ASCC3: variants seen among roughly 807,000 people sequenced by gnomAD.
ASCC3 encodes ASC-1 complex subunit P200.
A neutral mutation model predicts 256.3 loss-of-function variants in ASCC3; 158 were observed. The observed-to-expected ratio is 0.62, with a 90% CI of 0.54 to 0.70. The LOEUF (loss-of-function observed/expected upper bound fraction) is 0.70, where lower values mean the gene tolerates loss of function less well. ASCC3 is among the 30% of genes least tolerant of loss of function. The pLI is 0.00. For missense variants in ASCC3, 2,259 were observed against 2,626.0 expected (o/e 0.86, Z 3.05); for synonymous variants, 948 against 883.4 (o/e 1.07, Z -1.30).
chr6:100,718,440 G>A (rs1394439183), intron 11 of ASCC3, among the ~76,000 whole-genome samples, 189 bp from the exon 12 acceptor site: 1 of 151,890 alleles, frequency 6.6e-6, no homozygotes, highest in East Asian at 1.9e-4. Flanking sequence ...ATACATAGTA[G>A]AATTCCATAC....
chr6:100,605,549 T>C lies in ASCC3; in HGVS notation c.5177+19A>G. 1 of 1,445,336 alleles carries C rather than the reference T, an allele frequency of 6.9e-7. No homozygotes were observed. The highest frequency in any genetic ancestry group is 9.7e-7 in the Non-Finnish European group (1 of 1,030,378). The allele number at this position is 1,445,336 out of a possible 1,614,324, so 89.5% of individuals were successfully genotyped here. A position where few individuals can be genotyped will look rare whatever the true frequency, so the allele number is the denominator to read the frequency against. On this transcript the variant is annotated intron_variant, in intron 33 of 41. Coordinates refer to ENST00000369162, the MANE Select transcript of ASCC3 (RefSeq NM_006828.4). Reference sequence around the variant, plus strand: ...TGTGATTAAATAAATCCATTTAAACTAATTTAAATAAGATTTACCTTGATT... The same window carrying C: ...TGTGATTAAATAAATCCATTTAAACCAATTTAAATAAGATTTACCTTGATT...
chr6:100,567,823 G>A (rs1442706475), intron 36 of ASCC3, among the ~76,000 whole-genome samples: 2 of 152,082 alleles, frequency 1.3e-5, no homozygotes, highest in African/African-American at 4.8e-5. Context: ...TTGATTCAAT[G>A]TCTTTGCTAC....
chr6:100,706,481 A>G (rs975287467), intron 13 of ASCC3, among the ~76,000 whole-genome samples: 1 of 151,760 alleles, frequency 6.6e-6, no homozygotes. Context: ...CTGAAAACAA[A>G]CCTCTAAATG....
chr6:100,859,142 C>A lies in ASCC3; in HGVS notation c.241+4922G>T, dbSNP rs778296794. On this transcript the variant is annotated intron_variant, in intron 3 of 41. Transcript: ENST00000369162. ...TCCTCTGAATCTGTCAGAAGCTCTG[C>A]TCATCTTCTCATCCTCCTCTTTTCC... The A allele has an allele frequency of 2.1e-5, 16 of 779,940 alleles. No homozygotes were observed. In the Admixed American group the frequency reaches 2.7e-4, roughly 13 times the overall value. 48.3% of individuals were successfully genotyped at this position (779,940 alleles called of 1,614,324 possible).
intron 3 of ASCC3, chr6:100,859,282 C>A (rs921803524): frequency 1.3e-6 from 1 of 776,576 alleles, no homozygotes; most frequent in African/African-American, 1.7e-5. Context: ...CAAAAATCTT[C>A]ACTGCTTTGA....
intron 8 of ASCC3, among the ~76,000 whole-genome samples, chr6:100,770,195 C>T (rs1781852563): frequency 6.6e-6 from 1 of 151,886 alleles, no homozygotes; most frequent in African/African-American, 2.4e-5. Context: ...TGACATAATA[C>T]ATCACAGAAA....
At chr6:100,552,591 C>T (rs985994700) in intron 36 of ASCC3, among the ~76,000 whole-genome samples, 2 of 151,852 alleles carry the variant, frequency 1.3e-5, no homozygotes, top group South Asian at 4.1e-4. Flanking sequence ...TCTTTTAAAT[C>T]CACATTAATT....
intron 36 of ASCC3, among the ~76,000 whole-genome samples, chr6:100,581,496 T>G (rs894787435): frequency 1.1e-3 from 172 of 152,282 alleles, no homozygotes; most frequent in African/African-American, 3.8e-3. Context: ...TTTTGTCAGA[T>G]GAGTAGGTTG....
chr6:100,660,604 T>A (rs1776145087), intron 16 of ASCC3, among the ~76,000 whole-genome samples: 1 of 151,676 alleles, frequency 6.6e-6, no homozygotes, highest in African/African-American at 2.4e-5. Flanking sequence ...CTAACCGTTA[T>A]CTTCTAAAAC....
chr6:100,736,626 G>GC (rs1187159649), intron 10 of ASCC3, among the ~76,000 whole-genome samples: 1 of 152,160 alleles, frequency 6.6e-6, no homozygotes, highest in Non-Finnish European at 1.5e-5. Flanking sequence ...GTGTATAAAA[G>GC]CAAAGAAGCA....
In ASCC3 at chr6:100,848,551, G is replaced by A; in HGVS notation, c.398C>T (p.Ala133Val). Residue 133 changes from alanine to valine, a missense_variant, in exon 4 of 42, where the codon GCT (alanine) becomes GTT (valine). By Grantham distance (64) the Ala-to-Val change is moderately conservative (BLOSUM62 0). Transcript: ENST00000369162. ...PSSSATAACNATNRIISHFSQ... is the reference protein window; with the variant it reads ...PSSSATAACNVTNRIISHFSQ... ...AAAATGAGAAATAATTCGATTAGTAGCATTACAAGCTGCAGTGGCAGATGA... is the reference window on the plus strand; with the variant it reads ...AAAATGAGAAATAATTCGATTAGTAACATTACAAGCTGCAGTGGCAGATGA... 1 of 1,614,098 alleles carries A rather than the reference G, an allele frequency of 6.2e-7. No homozygotes were observed. Among genetic ancestry groups the A allele is most frequent in the Non-Finnish European group, 8.5e-7 (1 of 1,180,004 alleles).
chr6:100,630,806 A>G (rs1432408955), intron 26 of ASCC3, among the ~76,000 whole-genome samples: 1 of 152,094 alleles, frequency 6.6e-6, no homozygotes, highest in Non-Finnish European at 1.5e-5. Flanking sequence ...TACGAAAAAA[A>G]TAGAGAGGCA....
At chr6:100,586,580 G>C (rs988266652) in intron 36 of ASCC3, among the ~76,000 whole-genome samples, 6 of 152,080 alleles carry the variant, frequency 3.9e-5, no homozygotes, top group African/African-American at 1.4e-4. Flanking sequence ...CGCACGGTGT[G>C]CTGCACCCAC....
chr6:100,864,073 T>C lies in ASCC3; in HGVS notation c.232A>G (p.Lys78Glu). 6.3e-7 allele frequency: 1 copy of C among 1,577,284 alleles called. No individual in the cohort carries two copies. Among genetic ancestry groups the C allele is most frequent in the Non-Finnish European group, 8.6e-7 (1 of 1,158,212 alleles). ...AAAAAGAAAACTATACCTATCTGCT[T>C]TGCAGCATGTAATATATCTTTTAAG... is the stretch of plus-strand genomic sequence containing the variant. The part of the protein sequence containing the change: ...EDLKDILHAA[K>E]QIVGTDNGRE... The change falls in exon 3 of 42, where the codon AAG (lysine) becomes GAG (glutamate). Residue 78 changes from lysine to glutamate, a missense_variant. Coordinates refer to ENST00000369162, the MANE Select transcript of ASCC3 (RefSeq NM_006828.4).
At chr6:100,584,373 G>A (rs1466959421) in intron 36 of ASCC3, among the ~76,000 whole-genome samples, 1 of 151,548 alleles carries the variant, frequency 6.6e-6, no homozygotes, top group Non-Finnish European at 1.5e-5. Context: ...ATCTTTGTTG[G>A]TTTAAAGTCT....
chr6:100,514,988 G>A (rs1465138229), intron 39 of ASCC3, among the ~76,000 whole-genome samples: 1 of 152,170 alleles, frequency 6.6e-6, no homozygotes, highest in Non-Finnish European at 1.5e-5. Flanking sequence ...GCACTTTTGA[G>A]CCAAATAACC....
At chr6:100,801,665 A>T (rs540514601) in intron 5 of ASCC3, among the ~76,000 whole-genome samples, 1 of 151,956 alleles carries the variant, frequency 6.6e-6, no homozygotes, top group East Asian at 1.9e-4. Flanking sequence ...CTATATTAGG[A>T]CTAAATTTTA....
intron 16 of ASCC3, among the ~76,000 whole-genome samples, chr6:100,658,890 G>A (rs1776052047): frequency 6.6e-6 from 1 of 151,316 alleles, no homozygotes; most frequent in African/African-American, 2.4e-5. Flanking sequence ...CAGACTATAG[G>A]GAGCTGGCAC....
chr6:100,664,271 G>A (rs1394877709), intron 14 of ASCC3, among the ~76,000 whole-genome samples: 2 of 151,988 alleles, frequency 1.3e-5, no homozygotes, highest in Admixed American at 1.3e-4. Flanking sequence ...ATAATGGCAG[G>A]GAGTAAGATT....
Sources: allele counts gnomAD v4.1 joint callset (sites outside exome capture counted in the v4.1 genomes callset), GRCh38; gene constraint gnomAD v4.1.1; transcripts MANE v1.5; gene names NCBI Gene and HGNC (gene_info 2026-07-23, HGNC 2026-07-21).